Variants in LRRTM4 observed in about 807,000 individuals in gnomAD.
The protein encoded by LRRTM4 is leucine-rich repeat transmembrane neuronal protein 4.
A neutral mutation model predicts 47.6 loss-of-function variants in LRRTM4; 25 were observed. That is an observed-to-expected ratio of 0.53 (90% CI 0.38 to 0.73). The LOEUF is 0.73. LRRTM4 is among the 30% of genes least tolerant of loss of function. The pLI is 0.00. For synonymous variants in LRRTM4, 311 were observed against 269.5 expected (o/e 1.15, Z -1.51); for missense variants, 638 against 713.4 (o/e 0.89, Z 1.20).
intron 3 of LRRTM4, among the ~76,000 whole-genome samples, chr2:76,824,409 G>C (rs1291142481): frequency 6.6e-6 from 1 of 151,338 alleles, no homozygotes; most frequent in African/African-American, 2.4e-5. Flanking sequence ...TCTCCTTCAG[G>C]TGTTTTCATG....
At chr2:77,200,704 A>C (rs1038771016) in intron 3 of LRRTM4, among the ~76,000 whole-genome samples, 2 of 152,112 alleles carry the variant, frequency 1.3e-5, no homozygotes, top group African/African-American at 4.8e-5. Context: ...CAGCAGTTAT[A>C]GTCCTCAGTG....
intron 3 of LRRTM4, among the ~76,000 whole-genome samples, chr2:77,488,065 G>A (rs1161898914): frequency 6.6e-6 from 1 of 152,188 alleles, no homozygotes; most frequent in Non-Finnish European, 1.5e-5. Context: ...CCCCTAGCTT[G>A]CCATGTTGCA....
At chr2:76,849,469 ACTCC>A (rs1420063810) in intron 3 of LRRTM4, among the ~76,000 whole-genome samples, 5 of 152,048 alleles carry the variant, frequency 3.3e-5, no homozygotes, top group Non-Finnish European at 1.5e-5. Context: ...TATAAAATAT[ACTCC>A]CTCAGAACAA....
At chr2:77,465,615 A>C (rs192363146) in intron 3 of LRRTM4, among the ~76,000 whole-genome samples, 38 of 152,134 alleles carry the variant, frequency 2.5e-4, no homozygotes, top group African/African-American at 8.7e-4. Context: ...GGTCAAGGAA[A>C]ATTTCCGGGA....
chr2:77,390,326 A>T (rs992064759), intron 3 of LRRTM4, among the ~76,000 whole-genome samples: 1 of 152,016 alleles, frequency 6.6e-6, no homozygotes, highest in African/African-American at 2.4e-5. Context: ...TTTACTAGTA[A>T]AGTTACCATG....
At chr2:77,439,297 T>C (rs1359171365) in intron 3 of LRRTM4, among the ~76,000 whole-genome samples, 1 of 152,234 alleles carries the variant, frequency 6.6e-6, no homozygotes, top group Non-Finnish European at 1.5e-5. Flanking sequence ...TTCTTCTTCC[T>C]CCCTTTCTCT....
At chr2:76,969,885 C>G (rs559358369) in intron 3 of LRRTM4, among the ~76,000 whole-genome samples, 1 of 151,894 alleles carries the variant, frequency 6.6e-6, no homozygotes, top group Non-Finnish European at 1.5e-5. Context: ...AGAGACAATT[C>G]GTAATTGACA....
chr2:77,266,519 T>G (rs1341248822), intron 3 of LRRTM4, among the ~76,000 whole-genome samples: 1 of 152,046 alleles, frequency 6.6e-6, no homozygotes, highest in Non-Finnish European at 1.5e-5. Flanking sequence ...TAACTGATGT[T>G]TTGGGGAAAA....
At chr2:76,766,421 C>T (rs1673458180) in intron 3 of LRRTM4, among the ~76,000 whole-genome samples, 1 of 152,122 alleles carries the variant, frequency 6.6e-6, no homozygotes, top group South Asian at 2.1e-4. Context: ...TCCCAAAGGA[C>T]CACGACTACT....
chr2:77,424,651 T>C (rs1675036923), intron 3 of LRRTM4, among the ~76,000 whole-genome samples: 1 of 152,210 alleles, frequency 6.6e-6, no homozygotes, highest in South Asian at 2.1e-4. Flanking sequence ...AACCATCAAG[T>C]AATACTTTAG....
chr2:76,958,577 G>A (rs1397501705), intron 3 of LRRTM4, among the ~76,000 whole-genome samples: 1 of 151,636 alleles, frequency 6.6e-6, no homozygotes, highest in Non-Finnish European at 1.5e-5. Flanking sequence ...GGTTCACAGT[G>A]AGGCCCTGAA....
intron 3 of LRRTM4, among the ~76,000 whole-genome samples, chr2:77,125,794 A>G (rs888584706): frequency 1.3e-5 from 2 of 151,962 alleles, no homozygotes; most frequent in African/African-American, 4.8e-5. Flanking sequence ...TGCATCATAA[A>G]AATTTCATTT....
chr2:76,778,526 A>G (rs1244814458), intron 3 of LRRTM4, among the ~76,000 whole-genome samples: 1 of 150,874 alleles, frequency 6.6e-6, no homozygotes. Context: ...CATTTCTTGT[A>G]GATTTTCTAG....
At chr2:76,921,682 A>C (rs1034463426) in intron 3 of LRRTM4, among the ~76,000 whole-genome samples, 5 of 151,976 alleles carry the variant, frequency 3.3e-5, no homozygotes, top group Non-Finnish European at 7.4e-5. Context: ...AAGTTGTTTC[A>C]GTTTTGGCAG....
At chr2:76,854,812 C>CTTTT (rs66549743) in intron 3 of LRRTM4, among the ~76,000 whole-genome samples, 3 of 143,982 alleles carry the variant, frequency 2.1e-5, no homozygotes, top group African/African-American at 7.7e-5. Context: ...AAAGAAAATC[C>CTTTT]TTTTTTTTTT....
intron 3 of LRRTM4, among the ~76,000 whole-genome samples, chr2:77,465,996 A>T (rs1676968894): frequency 6.6e-6 from 1 of 151,962 alleles, no homozygotes; most frequent in South Asian, 2.1e-4. Context: ...AGCGATTATA[A>T]TCCATTCATA....
chr2:76,917,580 C>T (rs1674295408), intron 3 of LRRTM4, among the ~76,000 whole-genome samples: 1 of 152,018 alleles, frequency 6.6e-6, no homozygotes, highest in South Asian at 2.1e-4. Context: ...GCAAGGTCAC[C>T]GAGTACTGTA....
At chr2:76,793,578 ACTTTCTCCT>A (rs1282384296) in intron 3 of LRRTM4, among the ~76,000 whole-genome samples, 1 of 140,700 alleles carries the variant, frequency 7.1e-6, no homozygotes, top group Non-Finnish European at 1.5e-5. Context: ...ATAATGTAGA[ACTTTCTCCT>A]CTTCACTGTG....
intron 3 of LRRTM4, among the ~76,000 whole-genome samples, chr2:77,197,464 A>G (rs912105282): frequency 3.9e-5 from 6 of 152,192 alleles, no homozygotes; most frequent in African/African-American, 1.4e-4. Context: ...CTATTATTTC[A>G]GATTGCTGAT....
Sources: allele counts gnomAD v4.1 joint callset (sites outside exome capture counted in the v4.1 genomes callset), GRCh38; gene constraint gnomAD v4.1.1; transcripts MANE v1.5; gene names NCBI Gene and HGNC (gene_info 2026-07-23, HGNC 2026-07-21).